The following PIK3C2A variants were observed in gnomAD, a reference collection of about 807,000 sequenced individuals.
PIK3C2A encodes phosphatidylinositol-4-phosphate 3-kinase catalytic subunit type 2 alpha.
PIK3C2A carries 97 observed loss-of-function variants against 204.5 expected under a neutral mutation model. The ratio of observed to expected loss-of-function variants is 0.47; its 90% CI spans 0.40 to 0.56. The LOEUF is 0.56. PIK3C2A is among the 20% of genes least tolerant of loss of function. The probability of loss-of-function intolerance (pLI) is 0.00; values close to 1 mark genes in which losing one functional copy is unlikely to be tolerated. For missense variants in PIK3C2A, 1,735 were observed against 1,969.2 expected, an observed-to-expected ratio of 0.88 and a Z score of 2.25; for synonymous variants, 653 against 664.4, an observed-to-expected ratio of 0.98 and a Z score of 0.26.
chr11:17,094,293 G>A lies in PIK3C2A; in HGVS notation c.4419C>T (p.Leu1473=), dbSNP rs1285119501. The change falls in exon 28 of 33, where the codon CTC becomes CTT. Residue 1473 remains leucine, a synonymous_variant. Coordinates refer to ENST00000691414, the MANE Select transcript of PIK3C2A (RefSeq NM_002645.4). ...ACTTCCAAAGTGGAAAAATAATACT[G>A]AGCTTATTGTGAAGTTCCTGAAATT... ...FDEFQELHNK[L]SIIFPLWKLP... is the part of the protein sequence containing the mutation. 1 of 1,610,360 alleles carries A rather than the reference G, an allele frequency of 6.2e-7. No homozygotes were observed. The highest frequency in any genetic ancestry group is 1.7e-5 in the Admixed American group (1 of 59,994).
At chr11:17,197,640 A>C (rs917522858) in intron 1 of PIK3C2A, among the ~76,000 whole-genome samples, 10 of 152,192 alleles carry the variant, frequency 6.6e-5, no homozygotes, top group African/African-American at 2.2e-4. Flanking sequence ...CCCTATTGAA[A>C]GACATTTTGC....
intron 1 of PIK3C2A, among the ~76,000 whole-genome samples, chr11:17,202,344 T>C (rs886231502): frequency 2.0e-5 from 3 of 151,462 alleles, no homozygotes; most frequent in Non-Finnish European, 4.4e-5. Context: ...CTCAGCGCTT[T>C]AGGAGGCCAA....
At chr11:17,153,662 C>T (rs968791026) in intron 3 of PIK3C2A, among the ~76,000 whole-genome samples, 4 of 152,238 alleles carry the variant, frequency 2.6e-5, no homozygotes, top group African/African-American at 7.2e-5. Context: ...AAACCAATAC[C>T]TAGAACTGGT....
At chr11:17,109,702 T>G (rs7478986) in intron 22 of PIK3C2A, among the ~76,000 whole-genome samples, 11 of 151,910 alleles carry the variant, frequency 7.2e-5, no homozygotes, top group African/African-American at 2.2e-4. Context: ...CAGCTGAGAC[T>G]ATTTATTCAT....
Position 17,168,928 on chromosome 11 carries a change from C to G in PIK3C2A, c.814G>C (p.Asp272His), listed in dbSNP as rs1405708021. ...TTAGGCTTACTTAGAGGATCCAAGT[C>G]TAACCAGTCAAATTTACTGATATCC... ...SEDISKFDWLDLDPLSKPKVD... is the reference protein window; with the variant it reads ...SEDISKFDWLHLDPLSKPKVD... Residue 272 changes from aspartate to histidine, a missense_variant, in exon 2 of 33, where the codon GAC becomes CAC. By Grantham distance (81) the Asp-to-His change is moderately conservative (BLOSUM62 -1). This residue lies in a region of PIK3C2A where 536 missense variants were observed against 546.7 expected (regional missense o/e 0.98). Coordinates refer to ENST00000691414, the MANE Select transcript of PIK3C2A (RefSeq NM_002645.4). 1 of 1,614,092 alleles carries G rather than the reference C, an allele frequency of 6.2e-7. No homozygotes were observed. Among genetic ancestry groups the G allele is most frequent in the Non-Finnish European group, 8.5e-7 (1 of 1,179,964 alleles).
intron 1 of PIK3C2A, among the ~76,000 whole-genome samples, chr11:17,180,064 C>CA (rs1169186061): frequency 6.6e-6 from 1 of 151,986 alleles, no homozygotes; most frequent in Non-Finnish European, 1.5e-5. Context: ...TTTTGTTTGG[C>CA]AAAAAAGCAC....
intron 8 of PIK3C2A, among the ~76,000 whole-genome samples, chr11:17,139,248 G>T (rs1306370846): frequency 7.4e-6 from 1 of 135,862 alleles, no homozygotes; most frequent in Non-Finnish European, 1.6e-5. Flanking sequence ...TTTTTTTTGA[G>T]GTGGAATCTC....
chr11:17,183,991 A>G (rs1386068556), intron 1 of PIK3C2A, among the ~76,000 whole-genome samples: 2 of 151,734 alleles, frequency 1.3e-5, no homozygotes, highest in Non-Finnish European at 2.9e-5. Flanking sequence ...CTGCAATTCT[A>G]GCCACTCAAT....
intron 18 of PIK3C2A, among the ~76,000 whole-genome samples, chr11:17,118,417 G>A (rs1849272635): frequency 6.6e-6 from 1 of 152,132 alleles, no homozygotes; most frequent in African/African-American, 2.4e-5. Context: ...ATATAAGCAA[G>A]TCGAAACCCA....
intron 1 of PIK3C2A, among the ~76,000 whole-genome samples, chr11:17,201,322 A>AT (rs1458435849): frequency 2.0e-5 from 3 of 150,860 alleles, no homozygotes; most frequent in African/African-American, 7.3e-5. Flanking sequence ...AGGTCAAAAG[A>AT]TTGAGACCAT....
intron 22 of PIK3C2A, among the ~76,000 whole-genome samples, chr11:17,110,154 T>C (rs1848952066): frequency 6.6e-6 from 1 of 152,142 alleles, no homozygotes; most frequent in African/African-American, 2.4e-5. Context: ...GGTTTCACCA[T>C]GTTGCCCAGG....
At chr11:17,121,146 A>G (rs139411013) in intron 15 of PIK3C2A, among the ~76,000 whole-genome samples, 59 of 151,742 alleles carry the variant, frequency 3.9e-4, no homozygotes, top group Non-Finnish European at 6.2e-4. Context: ...GAGACAGGGT[A>G]TTGCTCTGTT....
intron 1 of PIK3C2A, among the ~76,000 whole-genome samples, chr11:17,184,973 A>T (rs1443197767): frequency 6.6e-6 from 1 of 152,004 alleles, no homozygotes; most frequent in Non-Finnish European, 1.5e-5. Context: ...AAAGAAAAAA[A>T]TATATATTTT....
At chr11:17,131,522 T>C (rs1157621234) in intron 12 of PIK3C2A, among the ~76,000 whole-genome samples, 3 of 150,412 alleles carry the variant, frequency 2.0e-5, no homozygotes, top group Non-Finnish European at 4.4e-5. Context: ...CCCGGATTCA[T>C]GACATTCTCC....
chr11:17,149,476 T>TC (rs34137650), intron 4 of PIK3C2A, among the ~76,000 whole-genome samples: 1 of 152,066 alleles, frequency 6.6e-6, no homozygotes, highest in Non-Finnish European at 1.5e-5. Context: ...CTGGAAACAA[T>TC]CCCCCACAGA....
intron 21 of PIK3C2A, 123 bp from the exon 22 acceptor site, chr11:17,110,684 G>T: frequency 1.3e-6 from 1 of 742,194 alleles, no homozygotes; most frequent in Non-Finnish European, 2.1e-6. Flanking sequence ...CTGAGGTCAG[G>T]AGTTCGAGAT....
At chr11:17,185,587 T>C (rs1363404505) in intron 1 of PIK3C2A, among the ~76,000 whole-genome samples, 1 of 152,346 alleles carries the variant, frequency 6.6e-6, no homozygotes. Context: ...GAAATGATTA[T>C]ACACTCTCAT....
chr11:17,169,389 G>GGTAAT lies in PIK3C2A; in HGVS notation c.348_352dup (p.Pro118HisfsTer8). ...GGAAGGGCTCAGAATAGGAGTAACTGGTAATACAGGTGTTTTTTTAGTCTC... is the reference window on the plus strand; with the variant it reads ...GGAAGGGCTCAGAATAGGAGTAACTGGTAATGTAATACAGGTGTTTTTTTAGTCTC... On this transcript the variant is annotated frameshift_variant, in exon 2 of 33. Transcript: ENST00000691414. LOFTEE classifies it high-confidence loss of function. The GGTAAT allele has an allele frequency of 1.9e-6, 3 of 1,613,978 alleles. No homozygotes were observed. Among genetic ancestry groups the GGTAAT allele is most frequent in the Non-Finnish European group, 2.5e-6 (3 of 1,179,906 alleles).
At position 17,101,454 on chromosome 11, in the gene PIK3C2A, A is replaced by G; in HGVS notation, c.3852-20T>C. Reference sequence around the variant, plus strand: ...CGATCCCTATTTAAAATGAAAGTACATACAAAATATTATTTACAGAAGATA... The same window carrying G: ...CGATCCCTATTTAAAATGAAAGTACGTACAAAATATTATTTACAGAAGATA... On this transcript the variant is annotated intron_variant, in intron 24 of 32. Coordinates refer to ENST00000691414, the MANE Select transcript of PIK3C2A (RefSeq NM_002645.4). 1 of 1,416,334 alleles carries G rather than the reference A, an allele frequency of 7.1e-7. No homozygotes were observed. Among genetic ancestry groups the G allele is most frequent in the Non-Finnish European group, 9.6e-7 (1 of 1,040,314 alleles). 87.7% of individuals were successfully genotyped at this position (1,416,334 alleles called of 1,614,324 possible).
Sources: gnomAD v4.1 joint callset for allele counts (sites outside exome capture counted in the v4.1 genomes callset) on GRCh38, gnomAD v4.1.1 for gene constraint, gnomAD v4.1.1 regional missense constraint, MANE v1.5 for transcripts, NCBI Gene and HGNC (gene_info 2026-07-23, HGNC 2026-07-21) for gene names.